The following RRM2B variants were observed in gnomAD, a reference collection of about 807,000 sequenced individuals.
RRM2B encodes the protein ribonucleoside-diphosphate reductase subunit M2 B.
Under a neutral mutation model 45.9 loss-of-function variants are expected in RRM2B, and 20 were observed. That is an observed-to-expected ratio of 0.44 (90% confidence interval 0.31 to 0.63). The LOEUF (loss-of-function observed/expected upper bound fraction) is 0.63, where lower values mean the gene tolerates loss of function less well. RRM2B is among the 30% of genes least tolerant of loss of function. The probability of loss-of-function intolerance (pLI) is 0.09; values close to 1 mark genes in which losing one functional copy is unlikely to be tolerated. For missense variants in RRM2B, 320 were observed against 414.7 expected (o/e 0.77, Z 1.98); for synonymous variants, 124 against 132.3 (o/e 0.94, Z 0.43).
At chr8:102,211,699 T>C (rs1344732334) in intron 8 of RRM2B, among the ~76,000 whole-genome samples, 1 of 152,244 alleles carries the variant, frequency 6.6e-6, no homozygotes, top group Non-Finnish European at 1.5e-5. Flanking sequence ...CAATTTCTTT[T>C]AATATACATA....
intron 5 of RRM2B, among the ~76,000 whole-genome samples, chr8:102,219,551 G>A (rs1374002335): frequency 6.6e-6 from 1 of 152,020 alleles, no homozygotes; most frequent in Non-Finnish European, 1.5e-5. Flanking sequence ...ATACAAAATG[G>A]CCAATTTTAA....
At position 102,225,944 on chromosome 8, in the gene RRM2B, T is replaced by G. The variant is rs1563665346; in HGVS notation, c.295A>C (p.Ser99Arg). The G allele has an allele frequency of 6.2e-7, 1 of 1,609,624 alleles. No individual in the cohort carries two copies. The highest frequency in any genetic ancestry group is 1.7e-5 in the Admixed American group (1 of 60,018). The change falls in exon 3 of 9, where the codon AGT becomes CGT. Residue 99 changes from serine (S) to arginine (R), a missense_variant. By Grantham distance (110) the Ser-to-Arg change is moderately radical (BLOSUM62 -1). Transcript: ENST00000251810. ...AAATTTTCATTTACAATTCCATCAC[T>G]GGCTGCAAAAAAGGCTAAGATGTGA... ...ISHILAFFAA[S>R]DGIVNENLVE...
chr8:102,208,432 G>A, intron 8 of RRM2B, 147 bp from the exon 9 acceptor site: 1 of 663,786 alleles, frequency 1.5e-6, no homozygotes, highest in Non-Finnish European at 2.6e-6. Context: ...GACCCTGGAG[G>A]TACTCAAGGC....
intron 6 of RRM2B, chr8:102,214,372 T>A (rs28928605): frequency 3.5e-6 from 2 of 565,418 alleles, no homozygotes; most frequent in Non-Finnish European, 6.4e-6. Flanking sequence ...TGCCAGCAAA[T>A]CTTAGTTCAT....
chr8:102,235,745 A>T (rs1036477980), intron 1 of RRM2B, among the ~76,000 whole-genome samples: 24 of 152,374 alleles, frequency 1.6e-4, no homozygotes, highest in African/African-American at 5.5e-4. Context: ...AGGCTGAGGC[A>T]GGAGAATCAC....
intron 2 of RRM2B, among the ~76,000 whole-genome samples, chr8:102,231,090 A>G (rs1811019665): frequency 6.6e-6 from 1 of 152,214 alleles, no homozygotes; most frequent in African/African-American, 2.4e-5. Context: ...ACATATACAA[A>G]CATATACAGA....
chr8:102,208,341 A>C, intron 8 of RRM2B, 56 bp from the exon 9 acceptor site: 2 of 1,293,586 alleles, frequency 1.5e-6, no homozygotes, highest in Non-Finnish European at 2.2e-6. Flanking sequence ...TACATCCACA[A>C]TAAGAGCAAA....
At chr8:102,217,561 G>A (rs1030892032) in intron 6 of RRM2B, among the ~76,000 whole-genome samples, 3 of 152,138 alleles carry the variant, frequency 2.0e-5, no homozygotes, top group African/African-American at 7.2e-5. Flanking sequence ...AGAAGTTAAG[G>A]ATTAGTGTAG....
At chr8:102,234,821 G>C (rs1010856047) in intron 1 of RRM2B, 1 of 154,744 alleles carries the variant, frequency 6.5e-6, no homozygotes, top group Non-Finnish European at 1.5e-5. Flanking sequence ...CTGCACTCAG[G>C]CCTGGTGACA....
intron 6 of RRM2B, among the ~76,000 whole-genome samples, chr8:102,217,646 C>A (rs770349418): frequency 6.6e-6 from 1 of 152,068 alleles, no homozygotes; most frequent in African/African-American, 2.4e-5. Context: ...AAAGTCCCTG[C>A]ACTAAGGAGC....
chr8:102,220,884 T>G (rs1243454827), intron 5 of RRM2B, among the ~76,000 whole-genome samples: 1 of 152,122 alleles, frequency 6.6e-6, no homozygotes, highest in Non-Finnish European at 1.5e-5. Context: ...ATATGTGAAA[T>G]AAAAAGAGGG....
intron 2 of RRM2B, among the ~76,000 whole-genome samples, chr8:102,229,687 C>T (rs767574547): frequency 1.3e-5 from 2 of 152,146 alleles, no homozygotes; most frequent in East Asian, 1.9e-4. Context: ...TGGGCTCAAG[C>T]GATTCTCCTG....
At chr8:102,208,385 C>T (rs2132539663) in intron 8 of RRM2B, 100 bp from the exon 9 acceptor site, 1 of 865,972 alleles carries the variant, frequency 1.2e-6, no homozygotes. Flanking sequence ...TTCTCAAAAC[C>T]TATCTAGTCA....
At chr8:102,230,900 A>C (rs1811015176) in intron 2 of RRM2B, among the ~76,000 whole-genome samples, 1 of 152,230 alleles carries the variant, frequency 6.6e-6, no homozygotes, top group African/African-American at 2.4e-5. Flanking sequence ...GGATACACAG[A>C]GAGGTTATGT....
At chr8:102,230,733 C>T (rs760752846) in intron 2 of RRM2B, among the ~76,000 whole-genome samples, 20 of 152,072 alleles carry the variant, frequency 1.3e-4, no homozygotes, top group Admixed American at 7.9e-4. Flanking sequence ...AACACTGGTG[C>T]CTTCTGATTT....
At chr8:102,221,490 C>G (rs1256097796) in intron 5 of RRM2B, among the ~76,000 whole-genome samples, 1 of 152,158 alleles carries the variant, frequency 6.6e-6, no homozygotes, top group Non-Finnish European at 1.5e-5. Context: ...TGCAGCAAAG[C>G]AAGGCAATAT....
chr8:102,224,542 C>G (rs1563664710), intron 4 of RRM2B, among the ~76,000 whole-genome samples: 1 of 152,094 alleles, frequency 6.6e-6, no homozygotes, highest in Admixed American at 6.6e-5. Context: ...GGTATGCTAC[C>G]AGATCTGTAG....
At chr8:102,238,577 A>G in intron 1 of RRM2B, 1 of 1,523,650 alleles carries the variant, frequency 6.6e-7, no homozygotes, top group Non-Finnish European at 8.8e-7. Flanking sequence ...GAGGCCTCCA[A>G]GCGTCGTCCT....
rs1013577058 is a variant in RRM2B at position 102,213,925 on chromosome 8, T to C, written c.789+129A>G. 2.0e-5 allele frequency: 14 copies of C among 708,822 alleles called. No homozygotes were observed. The African/African-American group carries it at 2.5e-4, about 12-fold the overall frequency. The allele number at this position is 708,822 out of a possible 1,614,324, so 43.9% of individuals were successfully genotyped here. ...ATTGTAATATATCATGTATTGGTAT[T>C]GTCAGGCTGACCAGAATAAAATTGC... On this transcript the variant is annotated intron_variant, in intron 7 of 8. Transcript: ENST00000251810.
Sources: allele counts gnomAD v4.1 joint callset (sites outside exome capture counted in the v4.1 genomes callset), GRCh38; gene constraint gnomAD v4.1.1; transcripts MANE v1.5; gene names NCBI Gene and HGNC (gene_info 2026-07-23, HGNC 2026-07-21).